The following ERI3 variants were observed in gnomAD, a reference collection of about 807,000 sequenced individuals.
ERI3 encodes ERI1 exoribonuclease family member 3, also known as ERI1 exoribonuclease 3.
Under a neutral mutation model 44.4 loss-of-function variants are expected in ERI3, and 18 were observed. The ratio of observed to expected loss-of-function variants is 0.41; its 90% CI spans 0.28 to 0.60. ERI3 has a LOEUF of 0.60. ERI3 is among the 20% of genes least tolerant of loss of function. The pLI, the probability that ERI3 is intolerant of heterozygous loss-of-function variation, is 0.36. For missense variants in ERI3, 294 were observed against 435.5 expected (o/e 0.68, Z 2.89); for synonymous variants, 183 against 164.8 (o/e 1.11, Z -0.84).
chr1:44,334,423 T>C (rs1646493157), intron 3 of ERI3, among the ~76,000 whole-genome samples: 1 of 152,164 alleles, frequency 6.6e-6, no homozygotes, highest in African/African-American at 2.4e-5. Flanking sequence ...AATGAACTCC[T>C]GCTAGCGAGG....
intron 7 of ERI3, among the ~76,000 whole-genome samples, chr1:44,282,383 G>T (rs185689352): frequency 3.3e-5 from 5 of 152,272 alleles, no homozygotes; most frequent in Middle Eastern, 3.4e-3. Flanking sequence ...CACAAAGTAA[G>T]ATCAAGGACA....
chr1:44,283,995 C>T lies in ERI3; in HGVS notation c.831+840G>A, dbSNP rs111518281. 1,041 of 470,574 alleles carry T rather than the reference C, an allele frequency of 2.2e-3. 8 individuals are homozygous for T. Among genetic ancestry groups the T allele is most frequent in the African/African-American group, 0.019 (932 of 50,128 alleles). 29.1% of individuals were successfully genotyped at this position (470,574 alleles called of 1,614,324 possible). A position where few individuals can be genotyped will look rare whatever the true frequency, so the allele number is the denominator to read the frequency against. ...CCCTGGGAGCCACTACCTTGACCCC[C>T]GGTGTGTTCTCCTTTCTCTGAGCTT... On this transcript the variant is annotated intron_variant, in intron 7 of 8. Coordinates refer to ENST00000372257, the MANE Select transcript of ERI3 (RefSeq NM_024066.3).
chr1:44,255,610 T>C (rs1287339190), intron 7 of ERI3, among the ~76,000 whole-genome samples: 1 of 152,170 alleles, frequency 6.6e-6, no homozygotes, highest in Non-Finnish European at 1.5e-5. Flanking sequence ...CAGACATATA[T>C]ATTCTATTGC....
At chr1:44,300,577 A>G (rs796626896) in intron 6 of ERI3, among the ~76,000 whole-genome samples, 27 of 152,302 alleles carry the variant, frequency 1.8e-4, no homozygotes, top group African/African-American at 6.3e-4. Flanking sequence ...GATCACATGG[A>G]TAAGTGTGAA....
intron 8 of ERI3, among the ~76,000 whole-genome samples, chr1:44,225,226 CAAT>C (rs1644007719): frequency 6.6e-6 from 1 of 152,136 alleles, no homozygotes; most frequent in Admixed American, 6.5e-5. Flanking sequence ...CTTGCACCCA[CAAT>C]AGAGGCCTCC....
intron 2 of ERI3, among the ~76,000 whole-genome samples, chr1:44,344,045 C>T (rs58287768): frequency 0.14 from 20,781 of 151,798 alleles, 1,812 homozygotes; most frequent in Non-Finnish European, 0.19. Context: ...TCAAGACCAG[C>T]CTGGGCAACA....
intron 6 of ERI3, among the ~76,000 whole-genome samples, chr1:44,288,563 C>T (rs1645440132): frequency 6.6e-6 from 1 of 152,160 alleles, no homozygotes; most frequent in Non-Finnish European, 1.5e-5. Context: ...GTCATCATCC[C>T]TTACACAAAA....
At chr1:44,306,887 C>A (rs897642360) in intron 6 of ERI3, among the ~76,000 whole-genome samples, 2 of 152,176 alleles carry the variant, frequency 1.3e-5, no homozygotes, top group Non-Finnish European at 2.9e-5. Flanking sequence ...CTGAAACTGG[C>A]CCCACCTTGA....
intron 4 of ERI3, among the ~76,000 whole-genome samples, chr1:44,314,926 G>A (rs890411159): frequency 6.6e-6 from 1 of 152,188 alleles, no homozygotes; most frequent in Non-Finnish European, 1.5e-5. Context: ...AACCGAGCAG[G>A]CAGTTGCCCT....
At chr1:44,242,344 A>G (rs571982777) in intron 8 of ERI3, among the ~76,000 whole-genome samples, 39 of 152,332 alleles carry the variant, frequency 2.6e-4, no homozygotes, top group African/African-American at 9.1e-4. Flanking sequence ...ATCACCACTC[A>G]GGTCATCTGA....
At chr1:44,310,948 A>G (rs1557840638) in intron 5 of ERI3, among the ~76,000 whole-genome samples, 3 of 122,982 alleles carry the variant, frequency 2.4e-5, no homozygotes, top group African/African-American at 9.1e-5. Context: ...ATGTATGTGC[A>G]CATCGCGCGC....
At chr1:44,242,081 C>T in intron 8 of ERI3, 1 of 985,560 alleles carries the variant, frequency 1.0e-6, no homozygotes, top group Non-Finnish European at 1.2e-6. Flanking sequence ...AGTGCAGACC[C>T]TGTCAATGAT....
Position 44,235,959 on chromosome 1 carries a change from C to T in ERI3, c.931+11980G>A, listed in dbSNP as rs1644294091. On this transcript the variant is annotated intron_variant, in intron 8 of 8. Transcript: ENST00000372257. This position sits in a 1 kb window ranked among gnomAD's most constrained non-coding sequence, Gnocchi z 4.6. ...TCCCACCTGGTAAATATTTCATCCT[C>T]AAGCTGCTCAGCTAATCCCTATTAA... Among the ~76,000 whole-genome samples the T allele has an allele frequency of 6.6e-6, 1 of 152,216 alleles. No individual in the cohort carries two copies. Among genetic ancestry groups the T allele is most frequent in the Admixed American group, 6.5e-5 (1 of 15,284 alleles).
intron 3 of ERI3, among the ~76,000 whole-genome samples, chr1:44,320,881 CAGAG>C (rs1481836945): frequency 6.6e-6 from 1 of 152,140 alleles, no homozygotes; most frequent in African/African-American, 2.4e-5. Context: ...GCCTCCACTG[CAGAG>C]AGAAAGGAAG....
At chr1:44,338,531 G>C (rs1463434457) in intron 3 of ERI3, among the ~76,000 whole-genome samples, 1 of 152,188 alleles carries the variant, frequency 6.6e-6, no homozygotes, top group Non-Finnish European at 1.5e-5. Context: ...CAGAGCAAGT[G>C]GTCCAAAAGA....
intron 7 of ERI3, among the ~76,000 whole-genome samples, chr1:44,267,407 T>C (rs1034325039): frequency 2.0e-5 from 3 of 152,158 alleles, no homozygotes; most frequent in African/African-American, 7.2e-5. Context: ...CCCTCCTTCT[T>C]CTTCCCTCCC....
chr1:44,307,492 C>A (rs980330799), intron 6 of ERI3, among the ~76,000 whole-genome samples: 1 of 152,120 alleles, frequency 6.6e-6, no homozygotes, highest in African/African-American at 2.4e-5. Flanking sequence ...CAGAGGTAAT[C>A]GATTCTATGA....
Position 44,347,575 on chromosome 1 carries a change from C to G in ERI3, c.211+5275G>C, listed in dbSNP as rs111786938. Among the ~76,000 whole-genome samples the G allele has an allele frequency of 3.8e-3, 575 of 152,262 alleles. 3 individuals are homozygous for G. The highest frequency in any genetic ancestry group is 6.1e-3 in the Non-Finnish European group (414 of 68,022). On this transcript the variant is annotated intron_variant, in intron 2 of 8. Coordinates refer to ENST00000372257, the MANE Select transcript of ERI3 (RefSeq NM_024066.3). ...CTTAAAATCCAGCTCAAATCTCCCC[C>G]CTTTTGGTGGCTTTCTCTGACACTC...
In ERI3 at chr1:44,241,866, C is replaced by T. The variant is rs144805476; in HGVS notation, c.931+6073G>A. ...TACATACATACAGGAGAACCTTCTT[C>T]CATCCATCTGTCCATCAACTCACCC... On this transcript the variant is annotated intron_variant, in intron 8 of 8. Transcript: ENST00000372257. The surrounding 1 kb of genome is among the most constrained non-coding windows in gnomAD (Gnocchi z 5.6). The T allele has an allele frequency of 0.015, 10,381 of 708,934 alleles. 95 individuals are homozygous for T. The highest frequency in any genetic ancestry group is 0.017 in the Non-Finnish European group (9,854 of 578,302). The allele number at this position is 708,934 out of a possible 1,614,324, so 43.9% of individuals were successfully genotyped here.
Sources: gnomAD v4.1 joint callset for allele counts (sites outside exome capture counted in the v4.1 genomes callset) on GRCh38, gnomAD v4.1.1 for gene constraint, Gnocchi (gnomAD v3.1) non-coding constraint, MANE v1.5 for transcripts, NCBI Gene and HGNC (gene_info 2026-07-23, HGNC 2026-07-21) for gene names.